Variants in DNM2 observed in about 807,000 individuals in gnomAD.
DNM2 encodes the protein dynamin 2.
DNM2 carries 15 observed loss-of-function variants against 99.0 expected under a neutral mutation model. That is an observed-to-expected ratio of 0.15 (90% confidence interval 0.10 to 0.23). DNM2 has a LOEUF of 0.23. Ranked by LOEUF, DNM2 falls within the 10% of genes least tolerant of loss-of-function variation. The pLI is 1.00. For synonymous variants in DNM2, 525 were observed against 481.2 expected (o/e 1.09, Z -1.19); for missense variants, 742 against 1,189.4 (o/e 0.62, Z 5.53).
Position 10,795,533 on chromosome 19 carries a change from G to A in DNM2, c.1196+94G>A, listed in dbSNP as rs570265369. ...CACCCACACCTCTGAGTCCCTAATC[G>A]TTAGGCCTTAAGAGGGCTCTTGGAT... On this transcript the variant is annotated intron_variant, in intron 9 of 20. Transcript: ENST00000389253. This position sits in a 1 kb window ranked among gnomAD's most constrained non-coding sequence, Gnocchi z 4.2. The A allele has an allele frequency of 1.5e-5, 21 of 1,443,654 alleles. No individual in the cohort carries two copies. Among genetic ancestry groups the A allele is most frequent in the Admixed American group, 5.1e-5 (3 of 59,326 alleles). 89.4% of individuals were successfully genotyped at this position (1,443,654 alleles called of 1,614,324 possible). A position where few individuals can be genotyped will look rare whatever the true frequency, so the allele number is the denominator to read the frequency against.
intron 7 of DNM2, among the ~76,000 whole-genome samples, chr19:10,791,620 C>A (rs1371950707): frequency 1.3e-5 from 2 of 152,148 alleles, no homozygotes; most frequent in African/African-American, 4.8e-5. Flanking sequence ...CTCCAGGGCC[C>A]CCAGGAGGCT....
At chr19:10,773,100 C>T (rs899911550) in intron 3 of DNM2, among the ~76,000 whole-genome samples, 4 of 151,378 alleles carry the variant, frequency 2.6e-5, no homozygotes, top group Non-Finnish European at 5.9e-5. Context: ...GTGCCTCAGC[C>T]GCCCAAGTAG....
chr19:10,795,550 C>T lies in DNM2; in HGVS notation c.1196+111C>T. 7.8e-7 allele frequency: 1 copy of T among 1,288,928 alleles called. No individual in the cohort carries two copies. The highest frequency in any genetic ancestry group is 1.1e-6 in the Non-Finnish European group (1 of 895,138). 79.8% of individuals were successfully genotyped at this position (1,288,928 alleles called of 1,614,324 possible). Reference sequence around the variant, plus strand: ...CCCTAATCGTTAGGCCTTAAGAGGGCTCTTGGATGGTTTTCTGTAGCTGCG... The same window carrying T: ...CCCTAATCGTTAGGCCTTAAGAGGGTTCTTGGATGGTTTTCTGTAGCTGCG... On this transcript the variant is annotated intron_variant, in intron 9 of 20. Transcript: ENST00000389253. This position sits in a 1 kb window ranked among gnomAD's most constrained non-coding sequence, Gnocchi z 4.2.
intron 2 of DNM2, among the ~76,000 whole-genome samples, chr19:10,771,887 A>G (rs1234884500): frequency 6.6e-6 from 1 of 151,990 alleles, no homozygotes; most frequent in Non-Finnish European, 1.5e-5. Flanking sequence ...CATGACGTAT[A>G]TTAACAGTTT....
intron 15 of DNM2, 117 bp from the exon 16 acceptor site, chr19:10,819,863 C>T (rs1053830793): frequency 1.5e-5 from 14 of 911,214 alleles, no homozygotes; most frequent in Admixed American, 1.0e-4. Flanking sequence ...TATACAGCAG[C>T]GACCAGCATT....
intron 1 of DNM2, among the ~76,000 whole-genome samples, chr19:10,748,954 G>T (rs1445139598): frequency 1.3e-5 from 2 of 152,196 alleles, no homozygotes; most frequent in African/African-American, 4.8e-5. Context: ...GCCTCTTCCT[G>T]TGGCCAGTGC....
chr19:10,824,808 AAAAAAAACAAAAC>A (rs1791040185), intron 17 of DNM2: 1 of 551,186 alleles, frequency 1.8e-6, no homozygotes, highest in Admixed American at 3.1e-5. Context: ...GACTGTGTCA[AAAAAAAACAAAAC>A]AAAAAAACAA....
rs1211004395 is a variant in DNM2 at position 10,812,156 on chromosome 19, T to G, written c.1558-108T>G. 2.2e-6 allele frequency: 2 copies of G among 897,536 alleles called. No individual in the cohort carries two copies. Among genetic ancestry groups the G allele is most frequent in the Non-Finnish European group, 3.5e-6 (2 of 577,432 alleles). 55.6% of individuals were successfully genotyped at this position (897,536 alleles called of 1,614,324 possible). On this transcript the variant is annotated intron_variant, in intron 14 of 20. Coordinates refer to ENST00000389253, the MANE Select transcript of DNM2 (RefSeq NM_001005361.3). This position sits in a 1 kb window ranked among gnomAD's most constrained non-coding sequence, Gnocchi z 4.0. ...CCTGGGCTTTGGGGCTGGAGGTGTC[T>G]CTATTGCGGTCCCTGGCTTCCCACT...
Position 10,831,054 on chromosome 19 carries a change from AG to A in DNM2, c.*13del, listed in dbSNP as rs758093165. On this transcript the variant is annotated 3_prime_UTR_variant, in exon 21 of 21. Transcript: ENST00000389253. This position sits in a 1 kb window ranked among gnomAD's most constrained non-coding sequence, Gnocchi z 4.3. Reference sequence around the variant, plus strand: ...GCCATCCCTGCTCGACTAGGCCTCGAGGGGGGCGTGCTCTCGGGGGGGCCTC... The same window carrying A: ...GCCATCCCTGCTCGACTAGGCCTCGAGGGGGCGTGCTCTCGGGGGGGCCTC... 5 of 1,597,984 alleles carry A rather than the reference AG, an allele frequency of 3.1e-6. No homozygotes were observed. Among genetic ancestry groups the A allele is most frequent in the Non-Finnish European group, 4.3e-6 (5 of 1,172,270 alleles).
At chr19:10,827,585 G>C (rs984163296) in intron 18 of DNM2, among the ~76,000 whole-genome samples, 5 of 151,212 alleles carry the variant, frequency 3.3e-5, no homozygotes, top group African/African-American at 1.2e-4. Flanking sequence ...AAAAAAAGTT[G>C]TGACGGCCAG....
intron 18 of DNM2, among the ~76,000 whole-genome samples, chr19:10,826,747 C>T (rs568859849): frequency 2.0e-5 from 3 of 151,860 alleles, no homozygotes; most frequent in East Asian, 1.9e-4. Context: ...ATTAGCTGGG[C>T]GTGGTGGCAA....
At position 10,820,812 on chromosome 19, in the gene DNM2, C is replaced by G. The variant is rs556973985; in HGVS notation, c.1781+723C>G. Among the ~76,000 whole-genome samples the G allele has an allele frequency of 1.3e-5, 2 of 152,182 alleles. No homozygotes were observed. Among genetic ancestry groups the G allele is most frequent in the African/African-American group, 4.8e-5 (2 of 41,448 alleles). On this transcript the variant is annotated intron_variant, in intron 16 of 20. Transcript: ENST00000389253. The surrounding 1 kb of genome is among the most constrained non-coding windows in gnomAD (Gnocchi z 4.3). ...ATTGCGTGGATGGTATTTCAAGGAA[C>G]GAAACCAGATGAGCTCCCAGGAGAG... is the stretch of plus-strand genomic sequence containing the variant.
chr19:10,787,126 G>C (rs543552496), intron 7 of DNM2, among the ~76,000 whole-genome samples: 1 of 151,980 alleles, frequency 6.6e-6, no homozygotes, highest in Admixed American at 6.6e-5. Context: ...CTGAGGTCGG[G>C]AGTTCGAGAC....
chr19:10,831,633 C>G lies in DNM2; in HGVS notation c.*586C>G. ...GCTGCCAGAGGTGCCTTTGCTAGGCCCGGAGCCGTTGGCCCGGGCCGGCCT... is the reference window on the plus strand; with the variant it reads ...GCTGCCAGAGGTGCCTTTGCTAGGCGCGGAGCCGTTGGCCCGGGCCGGCCT... On this transcript the variant is annotated 3_prime_UTR_variant, in exon 21 of 21. Transcript: ENST00000389253. The surrounding 1 kb of genome is among the most constrained non-coding windows in gnomAD (Gnocchi z 4.3). The G allele has an allele frequency of 1.0e-6, 1 of 986,158 alleles. No homozygotes were observed. Among genetic ancestry groups the G allele is most frequent in the Non-Finnish European group, 1.2e-6 (1 of 830,244 alleles). The allele number at this position is 986,158 out of a possible 1,614,324, so 61.1% of individuals were successfully genotyped here. A position where few individuals can be genotyped will look rare whatever the true frequency, so the allele number is the denominator to read the frequency against.
At chr19:10,762,095 C>T (rs908523155) in intron 2 of DNM2, among the ~76,000 whole-genome samples, 1 of 152,164 alleles carries the variant, frequency 6.6e-6, no homozygotes, top group African/African-American at 2.4e-5. Flanking sequence ...AGCTGGAGTA[C>T]AGTGGCGGGT....
chr19:10,766,712 GA>G (rs1233084011), intron 2 of DNM2, among the ~76,000 whole-genome samples: 1 of 152,082 alleles, frequency 6.6e-6, no homozygotes. Flanking sequence ...CCTCTCTCTG[GA>G]AAAACCCGCA....
intron 1 of DNM2, among the ~76,000 whole-genome samples, chr19:10,745,992 A>T (rs775190355): frequency 6.6e-6 from 1 of 152,096 alleles, no homozygotes; most frequent in African/African-American, 2.4e-5. Context: ...ACGGAGTCTC[A>T]CTCTGACCTA....
In DNM2 at chr19:10,816,948, C is replaced by T. The variant is rs779852198; in HGVS notation, c.1672-3032C>T. On this transcript the variant is annotated intron_variant, in intron 15 of 20. Coordinates refer to ENST00000389253, the MANE Select transcript of DNM2 (RefSeq NM_001005361.3). This position sits in a 1 kb window ranked among gnomAD's most constrained non-coding sequence, Gnocchi z 4.6. ...TCTGGAGCAGCAGTGGGAGAAGGGC[C>T]GGGCGCCGGCCGTAATGAGAAACAG... Among the ~76,000 whole-genome samples, 5 of 152,246 alleles carry T rather than the reference C, an allele frequency of 3.3e-5. No individual in the cohort carries two copies. Among genetic ancestry groups the T allele is most frequent in the African/African-American group, 4.8e-5 (2 of 41,546 alleles).
intron 1 of DNM2, among the ~76,000 whole-genome samples, chr19:10,732,045 C>T (rs894768628): frequency 9.3e-5 from 14 of 150,970 alleles, no homozygotes; most frequent in Non-Finnish European, 5.9e-5. Context: ...ACCTCCGCCT[C>T]CCAGGTTCAA....
Sources: allele counts gnomAD v4.1 joint callset (sites outside exome capture counted in the v4.1 genomes callset), GRCh38; gene constraint gnomAD v4.1.1; non-coding constraint Gnocchi (gnomAD v3.1); transcripts MANE v1.5; gene names NCBI Gene and HGNC (gene_info 2026-07-23, HGNC 2026-07-21).